Variants in POC5 observed in about 807,000 individuals in gnomAD.
POC5 encodes POC5 centriolar protein.
A neutral mutation model predicts 62.9 loss-of-function variants in POC5; 48 were observed. The observed-to-expected ratio is 0.76, with a 90% confidence interval of 0.61 to 0.97. The LOEUF (loss-of-function observed/expected upper bound fraction) is 0.97, where lower values mean the gene tolerates loss of function less well. POC5 is among the 50% of genes least tolerant of loss of function. POC5 has a pLI of 0.00. For missense variants in POC5, 696 were observed against 679.5 expected (o/e 1.02, Z -0.27); for synonymous variants, 236 against 228.2 (o/e 1.03, Z -0.31).
intron 3 of POC5, among the ~76,000 whole-genome samples, chr5:75,707,102 T>G (rs1305471290): frequency 6.6e-6 from 1 of 152,232 alleles, no homozygotes; most frequent in Non-Finnish European, 1.5e-5. Flanking sequence ...GAAGGCTTTC[T>G]GTGCCCTTTG....
intron 10 of POC5, among the ~76,000 whole-genome samples, chr5:75,678,470 G>C (rs1468161074): frequency 6.6e-6 from 1 of 152,024 alleles, no homozygotes; most frequent in Non-Finnish European, 1.5e-5. Context: ...CCATCTCTCT[G>C]TTCCTTCCCC....
In POC5 at chr5:75,702,677, G is replaced by A. The variant is rs781078730; in HGVS notation, c.441C>T (p.Ser147=). The change falls in exon 5 of 12, where the codon AGC becomes AGT. Residue 147 remains serine (S), a synonymous_variant. Coordinates refer to ENST00000428202, the MANE Select transcript of POC5 (RefSeq NM_001099271.2). ...GGTTTTCATCAGAAACAAGAAAATCGCTCACAAGTATTTCATGGGCATCTG... is the reference window on the plus strand; with the variant it reads ...GGTTTTCATCAGAAACAAGAAAATCACTCACAAGTATTTCATGGGCATCTG... The part of the protein sequence containing the change: ...SHTDAHEILV[S]DFLVSDENLQ... The A allele has an allele frequency of 1.4e-5, 22 of 1,612,134 alleles. No individual in the cohort carries two copies. Among genetic ancestry groups the A allele is most frequent in the Non-Finnish European group, 1.8e-5 (21 of 1,179,132 alleles).
rs374187472 is a variant in POC5 at position 75,715,843 on chromosome 5, CAGTCAGCAAAGAAGAGG to C, written c.-15+1446_-15+1462del. The stretch of plus-strand genomic sequence containing the variant: ...TAACATCTAAAGGGCAAGAGAAGAA[CAGTCAGCAAAGAAGAGG>C]AGTCAGCAAAGGAAGTCAGAACATT... On this transcript the variant is annotated intron_variant, in intron 1 of 11. Transcript: ENST00000428202. Among the ~76,000 whole-genome samples the C allele has an allele frequency of 1.1e-4, 17 of 152,242 alleles. No homozygotes were observed. The South Asian group carries it at 3.5e-3, about 32-fold the overall frequency.
At chr5:75,685,625 G>T in intron 9 of POC5, 141 bp from the exon 10 acceptor site, 1 of 829,328 alleles carries the variant, frequency 1.2e-6, no homozygotes, top group Non-Finnish European at 1.9e-6. Context: ...ACAATGTTCA[G>T]TTAATACAGT....
At chr5:75,678,041 G>A in intron 10 of POC5, 91 bp from the exon 11 acceptor site, 2 of 1,045,580 alleles carry the variant, frequency 1.9e-6, no homozygotes, top group South Asian at 2.6e-5. Context: ...GAATACACAG[G>A]CACTTAAAAT....
intron 5 of POC5, among the ~76,000 whole-genome samples, chr5:75,696,603 A>C (rs1776603355): frequency 6.6e-6 from 1 of 152,148 alleles, no homozygotes; most frequent in South Asian, 2.1e-4. Flanking sequence ...AACCACAAAG[A>C]TGGGGAAAAA....
Position 75,702,702 on chromosome 5 carries a change from G to A in POC5, c.416C>T (p.Thr139Ile), listed in dbSNP as rs1776940008. The A allele has an allele frequency of 2.5e-6, 4 of 1,610,656 alleles. No homozygotes were observed. The highest frequency in any genetic ancestry group is 3.4e-6 in the Non-Finnish European group (4 of 1,178,300). Residue 139 changes from threonine (T) to isoleucine (I), a missense_variant, in exon 5 of 12, where the codon ACA becomes ATA. Coordinates refer to ENST00000428202, the MANE Select transcript of POC5 (RefSeq NM_001099271.2). ...SSSPATNSSH[T>I]DAHEILVSDF... ...GCTCACAAGTATTTCATGGGCATCTGTATGACTAGAATTTGTTGCTGGTGA... is the reference window on the plus strand; with the variant it reads ...GCTCACAAGTATTTCATGGGCATCTATATGACTAGAATTTGTTGCTGGTGA...
Position 75,674,409 on chromosome 5 carries a change from A to G in POC5, c.*26T>C, listed in dbSNP as rs1342026248. 1 of 1,609,594 alleles carries G rather than the reference A, an allele frequency of 6.2e-7. No homozygotes were observed. ...CCCTTGGTAAGACCAGAGGGATTAA[A>G]AGACCCCACTATGGACATATTCACT... is the stretch of plus-strand genomic sequence containing the variant. On this transcript the variant is annotated 3_prime_UTR_variant, in exon 12 of 12. Coordinates refer to ENST00000428202, the MANE Select transcript of POC5 (RefSeq NM_001099271.2).
At chr5:75,674,727 T>A in intron 11 of POC5, 149 bp from the exon 12 acceptor site, 1 of 1,006,670 alleles carries the variant, frequency 9.9e-7, no homozygotes, top group Non-Finnish European at 1.5e-6. Context: ...AGCTGTTAAT[T>A]AGATGAGGCC....
Position 75,677,894 on chromosome 5 carries a change from G to A in POC5, c.1464C>T (p.Ala488=). The change falls in exon 11 of 12, where the codon GCC becomes GCT. Residue 488 remains alanine, a synonymous_variant. Transcript: ENST00000428202. Reference sequence around the variant, plus strand: ...CAAAATCACATCTTCCTGTGATCCGGGCTGTAATAGTTCTTCCTGCTTTCT... The same window carrying A: ...CAAAATCACATCTTCCTGTGATCCGAGCTGTAATAGTTCTTCCTGCTTTCT... ...AQQKAGRTIT[A]RITGRCDFAS... is the part of the protein sequence containing the mutation. The A allele has an allele frequency of 1.2e-6, 2 of 1,610,908 alleles. No individual in the cohort carries two copies.
intron 4 of POC5, among the ~76,000 whole-genome samples, chr5:75,704,604 T>C (rs1015760688): frequency 6.6e-6 from 1 of 152,188 alleles, no homozygotes; most frequent in Admixed American, 6.6e-5. Flanking sequence ...GCCAACTAGA[T>C]CTGTACTCAC....
Position 75,690,430 on chromosome 5 carries a change from C to A in POC5, c.928G>T (p.Glu310Ter). 1 of 1,612,420 alleles carries A rather than the reference C, an allele frequency of 6.2e-7. No individual in the cohort carries two copies. Among genetic ancestry groups the A allele is most frequent in the Non-Finnish European group, 8.5e-7 (1 of 1,179,278 alleles). ...TCATTGGAAATCTGGATACAAACTT[C>A]TTCAGCTCTTGCTTGACAAGCTCTT... ...VERACQARAE[E>*]VCIQISNDYE... Residue 310 changes from glutamate (E) to a stop codon, truncating the protein, a stop_gained, in exon 8 of 12, where the codon GAA (glutamate) becomes TAA (stop). Coordinates refer to ENST00000428202, the MANE Select transcript of POC5 (RefSeq NM_001099271.2). LOFTEE classifies it high-confidence loss of function.
chr5:75,692,601 G>T lies in POC5; in HGVS notation c.691-101C>A, dbSNP rs1776390183. ...AAAAATGCTAGAGAGGATAGGTATGGATCACTACTATATTCATTCAGTTAA... is the reference window on the plus strand; with the variant it reads ...AAAAATGCTAGAGAGGATAGGTATGTATCACTACTATATTCATTCAGTTAA... On this transcript the variant is annotated intron_variant, in intron 6 of 11. Transcript: ENST00000428202. 7.0e-6 allele frequency: 5 copies of T among 710,246 alleles called. No homozygotes were observed. In the Admixed American group the frequency reaches 1.1e-4, roughly 16 times the overall value. 44.0% of individuals were successfully genotyped at this position (710,246 alleles called of 1,614,324 possible). A position where few individuals can be genotyped will look rare whatever the true frequency, so the allele number is the denominator to read the frequency against.
chr5:75,704,475 A>G (rs964376607), intron 4 of POC5, among the ~76,000 whole-genome samples: 1 of 152,248 alleles, frequency 6.6e-6, no homozygotes, highest in African/African-American at 2.4e-5. Context: ...AAAAAACATA[A>G]CACAAGGTCT....
chr5:75,691,106 A>C (rs1580015115), intron 7 of POC5, among the ~76,000 whole-genome samples: 4 of 152,390 alleles, frequency 2.6e-5, no homozygotes, highest in South Asian at 2.1e-4. Context: ...CTTTTGAAGA[A>C]GTAGTTCCAA....
chr5:75,690,285 TGATTA>T (rs1776272309), intron 8 of POC5, 93 bp downstream of exon 8: 4 of 1,167,242 alleles, frequency 3.4e-6, no homozygotes, highest in Admixed American at 3.0e-5. Context: ...TCTGCATTCT[TGATTA>T]AAGACCAAAA....
At chr5:75,681,333 G>A (rs1775861063) in intron 10 of POC5, among the ~76,000 whole-genome samples, 1 of 152,016 alleles carries the variant, frequency 6.6e-6, no homozygotes, top group Admixed American at 6.6e-5. Context: ...CAAATGAAGA[G>A]GAAAATTAGA....
At chr5:75,696,393 T>C (rs1438289252) in intron 5 of POC5, among the ~76,000 whole-genome samples, 1 of 152,082 alleles carries the variant, frequency 6.6e-6, no homozygotes, top group African/African-American at 2.4e-5. Flanking sequence ...CTCAAGTGGG[T>C]CCCTGACCCC....
intron 5 of POC5, among the ~76,000 whole-genome samples, chr5:75,701,953 G>A (rs925094895): frequency 6.6e-5 from 10 of 152,170 alleles, no homozygotes; most frequent in Non-Finnish European, 1.5e-4. Flanking sequence ...CTACGATATG[G>A]TAAAGGCACA....
Sources: gnomAD v4.1 joint callset for allele counts (sites outside exome capture counted in the v4.1 genomes callset) on GRCh38, gnomAD v4.1.1 for gene constraint, MANE v1.5 for transcripts, NCBI Gene and HGNC (gene_info 2026-07-23, HGNC 2026-07-21) for gene names.